DCAF11: variants seen among roughly 807,000 people sequenced by gnomAD.
DCAF11 encodes DDB1- and CUL4-associated factor 11.
DCAF11 carries 44 observed loss-of-function variants against 76.1 expected under a neutral mutation model. That is an observed-to-expected ratio of 0.58 (90% CI 0.45 to 0.74). The LOEUF (loss-of-function observed/expected upper bound fraction) is 0.74. Among genes scored for constraint, DCAF11 ranks in the 30% least tolerant of loss-of-function variants. The probability of loss-of-function intolerance (pLI) is 0.00; values close to 1 mark genes in which losing one functional copy is unlikely to be tolerated. For missense variants in DCAF11, 604 were observed against 709.4 expected, an observed-to-expected ratio of 0.85 and a Z score of 1.69; for synonymous variants, 258 against 255.0, an observed-to-expected ratio of 1.01 and a Z score of -0.11.
Position 24,123,471 on chromosome 14 carries a change from C to T in DCAF11, c.*162C>T, listed in dbSNP as rs1210359457. 3 of 1,176,324 alleles carry T rather than the reference C, an allele frequency of 2.6e-6. No individual in the cohort carries two copies. Among genetic ancestry groups the T allele is most frequent in the East Asian group, 2.8e-5 (1 of 35,620 alleles). 72.9% of individuals were successfully genotyped at this position (1,176,324 alleles called of 1,614,324 possible). The stretch of plus-strand genomic sequence containing the variant: ...CAGCTGAGCCCTGGAAGATTCTCCC[C>T]ATGGGGCAGAGTGGTCTCCTTACGT... On this transcript the variant is annotated 3_prime_UTR_variant, in exon 15 of 15. Coordinates refer to ENST00000446197, the MANE Select transcript of DCAF11 (RefSeq NM_025230.5).
Position 24,118,767 on chromosome 14 carries a change from T to A in DCAF11, c.742T>A (p.Tyr248Asn). The stretch of plus-strand genomic sequence containing the variant: ...TCTCTTAGTTCATATCTGCAATATC[T>A]ATGGTGAGGGAGATACACACACTGC... ...WSDYIHICNIYGEGDTHTALD... is the reference protein window; with the variant it reads ...WSDYIHICNINGEGDTHTALD... The change falls in exon 8 of 15, where the codon TAT becomes AAT. Residue 248 changes from tyrosine to asparagine, a missense_variant. Tyr to Asn is a moderately radical substitution (Grantham distance 143). Transcript: ENST00000446197. The A allele has an allele frequency of 6.2e-7, 1 of 1,614,136 alleles. No individual in the cohort carries two copies. Among genetic ancestry groups the A allele is most frequent in the Non-Finnish European group, 8.5e-7 (1 of 1,180,032 alleles).
rs1165449987 is a variant in DCAF11 at position 24,119,636 on chromosome 14, G to A, written c.906+20G>A. 1.2e-6 allele frequency: 2 copies of A among 1,614,200 alleles called. No homozygotes were observed. Among genetic ancestry groups the A allele is most frequent in the South Asian group, 1.1e-5 (1 of 91,080 alleles). ...CTTCAGGTATGGCTCCTGAGATAGA[G>A]CCTCTGCCTCCTGGTTTTTGGCTTT... On this transcript the variant is annotated intron_variant, in intron 10 of 14. Transcript: ENST00000446197.
rs1376053747 is a variant in DCAF11, at chr14:24,117,234, C to T, written c.284-32C>T. 6.2e-7 allele frequency: 1 copy of T among 1,613,452 alleles called. No individual in the cohort carries two copies. Among genetic ancestry groups the T allele is most frequent in the Admixed American group, 1.7e-5 (1 of 59,990 alleles). Reference sequence around the variant, plus strand: ...CTAACTGTCCTCTGAGGCTGGCAGACCTAGGATGAAACTTCTCCTTGGTAC... The same window carrying T: ...CTAACTGTCCTCTGAGGCTGGCAGATCTAGGATGAAACTTCTCCTTGGTAC... On this transcript the variant is annotated intron_variant, in intron 3 of 14. Coordinates refer to ENST00000446197, the MANE Select transcript of DCAF11 (RefSeq NM_025230.5). This position sits in a 1 kb window ranked among gnomAD's most constrained non-coding sequence, Gnocchi z 4.3.
rs2037597064 is a variant in DCAF11 at position 24,117,185 on chromosome 14, G to A, written c.284-81G>A. 10 of 1,604,816 alleles carry A rather than the reference G, an allele frequency of 6.2e-6. No homozygotes were observed. Among genetic ancestry groups the A allele is most frequent in the Admixed American group, 1.7e-5 (1 of 59,488 alleles). ...TACAGCCCCAGTATATTCAGCCACA[G>A]GGGTGGGCTTGGGTACAGTTCTGCT... On this transcript the variant is annotated intron_variant, in intron 3 of 14. Coordinates refer to ENST00000446197, the MANE Select transcript of DCAF11 (RefSeq NM_025230.5). The surrounding 1 kb of genome is among the most constrained non-coding windows in gnomAD (Gnocchi z 4.3).
In DCAF11 at chr14:24,117,010, G is replaced by A; in HGVS notation, c.249G>A (p.Trp83Ter). ...CAGAGGAAGAGAATGACAGAGCTTG[G>A]GATGGTCGTCTTGGGGATCGATACA... ...LDSEEENDRA[W>*]DGRLGDRYNP... is the part of the protein sequence containing the mutation. Residue 83 changes from tryptophan to a stop codon, truncating the protein, a stop_gained, in exon 3 of 15, where the codon TGG (tryptophan) becomes TGA (stop). Coordinates refer to ENST00000446197, the MANE Select transcript of DCAF11 (RefSeq NM_025230.5). LOFTEE classifies it high-confidence loss of function. This position sits in a 1 kb window ranked among gnomAD's most constrained non-coding sequence, Gnocchi z 4.3. 6.2e-7 allele frequency: 1 copy of A among 1,614,194 alleles called. No homozygotes were observed. Among genetic ancestry groups the A allele is most frequent in the Non-Finnish European group, 8.5e-7 (1 of 1,180,024 alleles).
chr14:24,123,078 G>A lies in DCAF11; in HGVS notation c.1506+1G>A. The A allele has an allele frequency of 1.2e-6, 2 of 1,614,120 alleles. No individual in the cohort carries two copies. The highest frequency in any genetic ancestry group is 1.7e-6 in the Non-Finnish European group (2 of 1,180,032). On this transcript the variant is annotated splice_donor_variant, in intron 14 of 14. Transcript: ENST00000446197. LOFTEE classifies it high-confidence loss of function. ...TGAAGAGAAGATTGTCAGCAGTTCGGTGAGGTTGCAAGGGTTGAGGGTGCT... is the reference window on the plus strand; with the variant it reads ...TGAAGAGAAGATTGTCAGCAGTTCGATGAGGTTGCAAGGGTTGAGGGTGCT...
In DCAF11 at chr14:24,117,214, T is replaced by C; in HGVS notation, c.284-52T>C. On this transcript the variant is annotated intron_variant, in intron 3 of 14. Coordinates refer to ENST00000446197, the MANE Select transcript of DCAF11 (RefSeq NM_025230.5). The surrounding 1 kb of genome is among the most constrained non-coding windows in gnomAD (Gnocchi z 4.3). ...TGGGCTTGGGTACAGTTCTGCTAACTGTCCTCTGAGGCTGGCAGACCTAGG... is the reference window on the plus strand; with the variant it reads ...TGGGCTTGGGTACAGTTCTGCTAACCGTCCTCTGAGGCTGGCAGACCTAGG... 1 of 1,611,804 alleles carries C rather than the reference T, an allele frequency of 6.2e-7. No individual in the cohort carries two copies. Among genetic ancestry groups the C allele is most frequent in the South Asian group, 1.1e-5 (1 of 90,750 alleles).
chr14:24,122,784 C>G (rs985548470), intron 13 of DCAF11, among the ~76,000 whole-genome samples, 187 bp from the exon 14 acceptor site: 2 of 152,206 alleles, frequency 1.3e-5, no homozygotes, highest in Non-Finnish European at 2.9e-5. Context: ...ACCATACCCT[C>G]AACCCAAGGT....
In DCAF11 at chr14:24,117,235, C is replaced by A; in HGVS notation, c.284-31C>A. 1.9e-6 allele frequency: 3 copies of A among 1,613,536 alleles called. No homozygotes were observed. The highest frequency in any genetic ancestry group is 2.5e-6 in the Non-Finnish European group (3 of 1,179,662). ...TAACTGTCCTCTGAGGCTGGCAGAC[C>A]TAGGATGAAACTTCTCCTTGGTACT... On this transcript the variant is annotated intron_variant, in intron 3 of 14. Transcript: ENST00000446197. This position sits in a 1 kb window ranked among gnomAD's most constrained non-coding sequence, Gnocchi z 4.3.
chr14:24,119,573 G>A lies in DCAF11; in HGVS notation c.863G>A (p.Cys288Tyr). ...REVLGGANDG[C>Y]LYVFDREQNR... is the part of the protein sequence containing the mutation. ...TTCCCTTTCAGGGCCAATGATGGCTGCCTGTATGTCTTTGACCGAGAACAG... is the reference window on the plus strand; with the variant it reads ...TTCCCTTTCAGGGCCAATGATGGCTACCTGTATGTCTTTGACCGAGAACAG... The change falls in exon 10 of 15, where the codon TGC becomes TAC. Residue 288 changes from cysteine (C) to tyrosine (Y), a missense_variant. By Grantham distance (194) the Cys-to-Tyr change is radical. Transcript: ENST00000446197. The A allele has an allele frequency of 1.2e-6, 2 of 1,614,224 alleles. No homozygotes were observed. Among genetic ancestry groups the A allele is most frequent in the African/African-American group, 1.3e-5 (1 of 75,054 alleles).
intron 13 of DCAF11, chr14:24,122,211 C>G (rs925669987): frequency 6.6e-6 from 1 of 151,318 alleles, no homozygotes; most frequent in Non-Finnish European, 1.5e-5. Flanking sequence ...AATCCCAGCA[C>G]CGTGGGAGGC....
Position 24,123,309 on chromosome 14 carries a change from G to A in DCAF11, c.1641G>A (p.Ter547=). The A allele has an allele frequency of 6.6e-7, 1 of 1,524,704 alleles. No individual in the cohort carries two copies. Among genetic ancestry groups the A allele is most frequent in the African/African-American group, 1.4e-5 (1 of 72,108 alleles). The allele number at this position is 1,524,704 out of a possible 1,614,324, so 94.4% of individuals were successfully genotyped here. A position where few individuals can be genotyped will look rare whatever the true frequency, so the allele number is the denominator to read the frequency against. Residue 547 remains the stop codon, a stop_retained_variant, in exon 15 of 15, where the codon TAG becomes TAA. Transcript: ENST00000446197. ...QSSTPFSSPQ[*] Reference sequence around the variant, plus strand: ...CTACACCCTTTTCCTCACCCCAGTAGATCCAACCTCCAGCCCCATATAGGG... The same window carrying A: ...CTACACCCTTTTCCTCACCCCAGTAAATCCAACCTCCAGCCCCATATAGGG...
At chr14:24,121,813 A>G in intron 13 of DCAF11, 1 of 326,862 alleles carries the variant, frequency 3.1e-6, no homozygotes, top group Non-Finnish European at 5.7e-6. Context: ...GAGGGAACAG[A>G]GACAAAATGA....
Position 24,119,237 on chromosome 14 carries a change from C to T in DCAF11, c.848+24C>T, listed in dbSNP as rs764866447. 5.6e-6 allele frequency: 9 copies of T among 1,613,850 alleles called. No individual in the cohort carries two copies. In the Admixed American group the frequency reaches 1.5e-4, roughly 27 times the overall value. On this transcript the variant is annotated intron_variant, in intron 9 of 14. Transcript: ENST00000446197. ...GGGTAAGTGCTTGTGGGGTATGTTT[C>T]CCTCAATAACAAGATGGGGGTTCTG... is the stretch of plus-strand genomic sequence containing the variant.
intron 2 of DCAF11, 106 bp downstream of exon 2, chr14:24,115,855 C>T (rs938142518): frequency 6.4e-6 from 9 of 1,409,746 alleles, no homozygotes; most frequent in African/African-American, 2.9e-5. Flanking sequence ...TCGCTCAGGA[C>T]AGCTGTTCTG....
chr14:24,117,912 G>T lies in DCAF11; in HGVS notation c.477-143G>T. 1 of 882,142 alleles carries T rather than the reference G, an allele frequency of 1.1e-6. No homozygotes were observed. The highest frequency in any genetic ancestry group is 1.7e-5 in the African/African-American group (1 of 59,456). The allele number at this position is 882,142 out of a possible 1,614,324, so 54.6% of individuals were successfully genotyped here. On this transcript the variant is annotated intron_variant, in intron 5 of 14. Transcript: ENST00000446197. This position sits in a 1 kb window ranked among gnomAD's most constrained non-coding sequence, Gnocchi z 4.3. ...AAATTGTAGAAATTTAGAGGATGGT[G>T]GAATGGTTGAAAGACGGGATTGCAC... is the stretch of plus-strand genomic sequence containing the variant.
intron 2 of DCAF11, among the ~76,000 whole-genome samples, chr14:24,116,642 T>A (rs1273674171): frequency 6.6e-6 from 1 of 152,192 alleles, no homozygotes; most frequent in Non-Finnish European, 1.5e-5. Flanking sequence ...TTGGTCTTGC[T>A]CTTGTTCTAA....
chr14:24,119,467 G>T, intron 9 of DCAF11, 92 bp from the exon 10 acceptor site: 1 of 1,501,738 alleles, frequency 6.7e-7, no homozygotes, highest in Middle Eastern at 1.8e-4. Flanking sequence ...TTGACCCAGA[G>T]CAGGATTTCT....
chr14:24,115,073 G>T lies in DCAF11; in HGVS notation c.-434G>T. The stretch of plus-strand genomic sequence containing the variant: ...GTTAGGCCAAATTCTATTTTCATTG[G>T]CTGTCACTGCTGCCGGCCTTTGTAA... On this transcript the variant is annotated 5_prime_UTR_variant, in exon 1 of 15. Coordinates refer to ENST00000446197, the MANE Select transcript of DCAF11 (RefSeq NM_025230.5). The T allele has an allele frequency of 1.0e-6, 1 of 957,454 alleles. No individual in the cohort carries two copies. Among genetic ancestry groups the T allele is most frequent in the Non-Finnish European group, 1.2e-6 (1 of 804,140 alleles). The allele number at this position is 957,454 out of a possible 1,614,324, so 59.3% of individuals were successfully genotyped here.
Sources: allele counts gnomAD v4.1 joint callset (sites outside exome capture counted in the v4.1 genomes callset), GRCh38; gene constraint gnomAD v4.1.1; non-coding constraint Gnocchi (gnomAD v3.1); transcripts MANE v1.5; gene names NCBI Gene and HGNC (gene_info 2026-07-23, HGNC 2026-07-21).